Variants in THADA observed in about 807,000 individuals in gnomAD.
THADA encodes the protein THADA armadillo repeat containing.
THADA carries 213 observed loss-of-function variants against 219.8 expected under a neutral mutation model. The ratio of observed to expected loss-of-function variants is 0.97; its 90% CI spans 0.87 to 1.09. The LOEUF is 1.09. Among genes scored for constraint, THADA ranks in the 50% least tolerant of loss-of-function variants. The pLI, the probability that THADA is intolerant of heterozygous loss-of-function variation, is 0.00. For missense variants in THADA, 2,956 were observed against 2,311.3 expected (o/e 1.28, Z -5.72); for synonymous variants, 1,018 against 828.9 (o/e 1.23, Z -3.92).
At chr2:43,493,741 G>A (rs1031999620) in intron 25 of THADA, among the ~76,000 whole-genome samples, 4 of 152,092 alleles carry the variant, frequency 2.6e-5, no homozygotes, top group African/African-American at 9.7e-5. Flanking sequence ...AACTTAGATT[G>A]TTAACTAAAC....
At chr2:43,565,871 AG>A in intron 15 of THADA, 1 of 152,912 alleles carries the variant, frequency 6.5e-6, no homozygotes. Flanking sequence ...GCAGATCACG[AG>A]GTCAGGAGAT....
At chr2:43,578,133 A>C (rs1445280197) in intron 9 of THADA, among the ~76,000 whole-genome samples, 1 of 151,458 alleles carries the variant, frequency 6.6e-6, no homozygotes, top group Non-Finnish European at 1.5e-5. Flanking sequence ...ATTTTAATTC[A>C]CTTCTTTAAA....
intron 36 of THADA, among the ~76,000 whole-genome samples, chr2:43,240,172 G>C (rs1276555880): frequency 6.6e-6 from 1 of 152,214 alleles, no homozygotes; most frequent in East Asian, 1.9e-4. Flanking sequence ...ACACAACCGA[G>C]AGGCAGTGAG....
At chr2:43,439,589 G>A (rs1052584920) in intron 26 of THADA, among the ~76,000 whole-genome samples, 1 of 69,216 alleles carries the variant, frequency 1.4e-5, no homozygotes, top group African/African-American at 5.9e-5. Flanking sequence ...TGGCCCCAAA[G>A]CACAAGAGTG....
chr2:43,342,408 G>C (rs1379942661), intron 30 of THADA, among the ~76,000 whole-genome samples: 2 of 152,214 alleles, frequency 1.3e-5, no homozygotes, highest in Non-Finnish European at 2.9e-5. Flanking sequence ...TTTCTTACAG[G>C]AGCTTTCACT....
intron 35 of THADA, 118 bp from the exon 36 acceptor site, chr2:43,280,014 T>A: frequency 5.0e-6 from 5 of 1,010,044 alleles, no homozygotes; most frequent in Middle Eastern, 3.1e-4. Flanking sequence ...CTATCTCTTT[T>A]TTTCTGGGTA....
At chr2:43,289,641 T>TTTTG (rs528735779) in intron 34 of THADA, among the ~76,000 whole-genome samples, 97 of 152,278 alleles carry the variant, frequency 6.4e-4, no homozygotes, top group South Asian at 1.0e-3. Flanking sequence ...CTTGGTGTTT[T>TTTTG]TTTGTTTGTT....
chr2:43,502,856 TA>T (rs1333735049), intron 24 of THADA, among the ~76,000 whole-genome samples: 1 of 151,732 alleles, frequency 6.6e-6, no homozygotes, highest in African/African-American at 2.4e-5. Flanking sequence ...GAAACAACAA[TA>T]AAAATCCAAC....
At chr2:43,285,389 G>A (rs186044445) in intron 35 of THADA, among the ~76,000 whole-genome samples, 1 of 152,042 alleles carries the variant, frequency 6.6e-6, no homozygotes, top group Non-Finnish European at 1.5e-5. Context: ...AAAGTGTGTG[G>A]CACTTCTTCC....
chr2:43,571,776 G>A lies in THADA; in HGVS notation c.1995C>T (p.Phe665=). The change falls in exon 13 of 38, where the codon TTC becomes TTT. Residue 665 remains phenylalanine, a synonymous_variant. Transcript: ENST00000405975. ...GGCTGTTAAGATTGTATGTAATAAA[G>A]AACTGAATCCACTGCATTTCTTCCA... ...VSMEEMQWIQ[F]FITYNLNSQS... The A allele has an allele frequency of 1.2e-6, 2 of 1,613,850 alleles. No homozygotes were observed. Among genetic ancestry groups the A allele is most frequent in the Non-Finnish European group, 1.7e-6 (2 of 1,179,796 alleles).
chr2:43,238,669 A>T (rs965077797), intron 36 of THADA, among the ~76,000 whole-genome samples: 4 of 152,256 alleles, frequency 2.6e-5, no homozygotes, highest in Non-Finnish European at 5.9e-5. Context: ...AAATGTTCAT[A>T]GCAGCCTTGT....
intron 30 of THADA, among the ~76,000 whole-genome samples, chr2:43,339,144 C>G (rs1266206729): frequency 6.6e-6 from 1 of 152,170 alleles, no homozygotes; most frequent in African/African-American, 2.4e-5. Flanking sequence ...GACTTTTACT[C>G]TCTTCCAAAT....
intron 15 of THADA, chr2:43,562,371 A>C (rs1399993705): frequency 1.3e-5 from 2 of 152,266 alleles, no homozygotes; most frequent in Non-Finnish European, 2.9e-5. Context: ...CAGCCTCCTG[A>C]GTAGCTGGGA....
intron 26 of THADA, among the ~76,000 whole-genome samples, chr2:43,470,783 G>C (rs1684819664): frequency 6.6e-6 from 1 of 152,174 alleles, no homozygotes. Context: ...ACCTAGCCTA[G>C]ACCACAGCAT....
chr2:43,591,960 T>C lies in THADA; in HGVS notation c.163A>G (p.Ile55Val), dbSNP rs1701627943. ...LTDGVSQIHY[I>V]KQIVPLLEKA... ...TATCAATTCAGACTTACCTGTTTAA[T>C]ATAATGGATTTGTGACACTCCATCC... The change falls in exon 3 of 38, where the codon ATT (isoleucine) becomes GTT (valine). Residue 55 changes from isoleucine to valine, a missense_variant. Coordinates refer to ENST00000405975, the MANE Select transcript of THADA (RefSeq NM_022065.5). The C allele has an allele frequency of 2.6e-6, 4 of 1,541,784 alleles. No individual in the cohort carries two copies. Among genetic ancestry groups the C allele is most frequent in the East Asian group, 2.4e-5 (1 of 42,418 alleles).
At chr2:43,434,344 G>C (rs769571865) in intron 26 of THADA, among the ~76,000 whole-genome samples, 1 of 152,200 alleles carries the variant, frequency 6.6e-6, no homozygotes, top group Non-Finnish European at 1.5e-5. Context: ...GAGAAGGGCT[G>C]GTTCCTGGCG....
Position 43,590,945 on chromosome 2 carries a change from G to A in THADA, c.181C>T (p.Leu61=), listed in dbSNP as rs1163461840. 3 of 1,612,654 alleles carry A rather than the reference G, an allele frequency of 1.9e-6. No individual in the cohort carries two copies. Among genetic ancestry groups the A allele is most frequent in the Non-Finnish European group, 2.5e-6 (3 of 1,179,380 alleles). Residue 61 remains leucine (L), a synonymous_variant, in exon 4 of 38, where the codon CTG becomes TTG. Transcript: ENST00000405975. ...CCATTTTTATCTGCTTTCTCCAGCAGAGGCACAATCTATAATACAAAACAT... is the reference window on the plus strand; with the variant it reads ...CCATTTTTATCTGCTTTCTCCAGCAAAGGCACAATCTATAATACAAAACAT... ...QIHYIKQIVP[L]LEKADKNGMC...
intron 36 of THADA, among the ~76,000 whole-genome samples, chr2:43,253,105 T>G (rs1256096184): frequency 6.6e-6 from 1 of 152,196 alleles, no homozygotes; most frequent in Non-Finnish European, 1.5e-5. Context: ...ATGACTCTTT[T>G]GAAACATTGG....
At chr2:43,575,791 G>A (rs902537884) in intron 10 of THADA, among the ~76,000 whole-genome samples, 5 of 152,158 alleles carry the variant, frequency 3.3e-5, no homozygotes, top group African/African-American at 1.2e-4. Flanking sequence ...ACCTGCCTGA[G>A]ATCTGCAAGC....
Sources: allele counts gnomAD v4.1 joint callset (sites outside exome capture counted in the v4.1 genomes callset), GRCh38; gene constraint gnomAD v4.1.1; transcripts MANE v1.5; gene names NCBI Gene and HGNC (gene_info 2026-07-23, HGNC 2026-07-21).